BRWD1: variants seen among roughly 807,000 people sequenced by gnomAD.
The protein encoded by BRWD1 is bromodomain and WD repeat-containing protein 1.
Under a neutral mutation model 251.2 loss-of-function variants are expected in BRWD1, and 82 were observed. The observed-to-expected ratio is 0.33, with a 90% CI of 0.27 to 0.39. The LOEUF (loss-of-function observed/expected upper bound fraction) is 0.39, where lower values mean the gene tolerates loss of function less well. BRWD1 is among the 10% of genes least tolerant of loss of function. The pLI is 1.00. For missense variants in BRWD1, 2,233 were observed against 2,711.6 expected, an observed-to-expected ratio of 0.82 and a Z score of 3.92; for synonymous variants, 918 against 902.8, an observed-to-expected ratio of 1.02 and a Z score of -0.30.
chr21:39,304,234 CAA>C (rs554272084), intron 4 of BRWD1, among the ~76,000 whole-genome samples: 10 of 129,780 alleles, frequency 7.7e-5, no homozygotes, highest in African/African-American at 2.3e-4. Context: ...CTTGATTAAT[CAA>C]AAAAAAAAAG....
chr21:39,255,774 C>A lies in BRWD1; in HGVS notation c.2126G>T (p.Arg709Leu). Residue 709 changes from arginine to leucine, a missense_variant, in exon 19 of 41, where the codon CGT becomes CTT. Physicochemically the swap from Arg to Leu is moderately radical, Grantham distance 102. This residue lies in a region of BRWD1 where 35 missense variants were observed against 76.3 expected (regional missense o/e 0.46). Coordinates refer to ENST00000342449, the MANE Select transcript of BRWD1 (RefSeq NM_033656.4). ...ACGAACACCTTCAACTTGTCCACTA[C>A]GACGCAGACCAATATTTGGAGGGGA... is the stretch of plus-strand genomic sequence containing the variant. ...IQSPPNIGLR[R>L]SGQVEGVRQM... The A allele has an allele frequency of 1.9e-6, 3 of 1,614,130 alleles. No homozygotes were observed. The highest frequency in any genetic ancestry group is 4.5e-5 in the East Asian group (2 of 44,880).
At chr21:39,198,690 A>G (rs961514566) in intron 40 of BRWD1, 73 bp downstream of exon 40, 53 of 1,373,442 alleles carry the variant, frequency 3.9e-5, no homozygotes, top group African/African-American at 5.9e-5. Flanking sequence ...TTTCGGGGGG[A>G]AAAAACCAAT....
chr21:39,196,303 TGTC>T lies in BRWD1; in HGVS notation c.6763_6765del (p.Asp2255del). 1 of 1,610,770 alleles carries T rather than the reference TGTC, an allele frequency of 6.2e-7. No individual in the cohort carries two copies. The highest frequency in any genetic ancestry group is 8.5e-7 in the Non-Finnish European group (1 of 1,178,688). On this transcript the variant is annotated inframe_deletion, in exon 41 of 41. Coordinates refer to ENST00000342449, the MANE Select transcript of BRWD1 (RefSeq NM_033656.4). Reference sequence around the variant, plus strand: ...AAATCTAACACATTTTCTAAACTTCTGTCATCATCCCCATCATGGTATCTCACA... The same window carrying T: ...AAATCTAACACATTTTCTAAACTTCTATCATCCCCATCATGGTATCTCACA...
chr21:39,281,915 T>C (rs1260789246), intron 8 of BRWD1, among the ~76,000 whole-genome samples: 1 of 135,190 alleles, frequency 7.4e-6, no homozygotes, highest in Non-Finnish European at 1.7e-5. Flanking sequence ...TACATGTATA[T>C]ATATACGTAT....
intron 16 of BRWD1, 53 bp from the exon 17 acceptor site, chr21:39,264,738 G>T: frequency 1.3e-6 from 2 of 1,500,442 alleles, no homozygotes; most frequent in Non-Finnish European, 1.8e-6. Context: ...CATTTTAAAG[G>T]AAACAAATAT....
intron 15 of BRWD1, among the ~76,000 whole-genome samples, chr21:39,268,233 G>A (rs1041311465): frequency 6.6e-6 from 1 of 152,044 alleles, no homozygotes; most frequent in African/African-American, 2.4e-5. Flanking sequence ...GAAGTCAGGA[G>A]TTCAAGACCA....
downstream of BRWD1, chr21:39,185,148 G>A (rs1371017701): frequency 6.6e-6 from 1 of 151,700 alleles, no homozygotes; most frequent in Non-Finnish European, 1.5e-5. Flanking sequence ...TTTTTAAAAA[G>A]GCAAATATGT....
Position 39,306,721 on chromosome 21 carries a change from T to C in BRWD1, c.198+6120A>G, listed in dbSNP as rs376532966. Reference sequence around the variant, plus strand: ...GAACAGACTTAAAAGTTATTTATACTGAAATCAGAATTTGGTTTATTAGAA... The same window carrying C: ...GAACAGACTTAAAAGTTATTTATACCGAAATCAGAATTTGGTTTATTAGAA... On this transcript the variant is annotated intron_variant, in intron 4 of 40. Transcript: ENST00000342449. 2.0e-5 allele frequency among the ~76,000 whole-genome samples: 3 copies of C among 152,360 alleles called. No individual in the cohort carries two copies. The East Asian group carries it at 5.8e-4, about 29-fold the overall frequency.
In BRWD1 at chr21:39,312,946, GGGGGGGC is replaced by G. The variant is rs753029578; in HGVS notation, c.139-53_139-47del. ...CACGAGTGACCACCCCTCCGGCGCG[GGGGGGGC>G]GGGGGGCGGGGGGCCGGGGGCGGGC... On this transcript the variant is annotated intron_variant, in intron 3 of 40. Coordinates refer to ENST00000342449, the MANE Select transcript of BRWD1 (RefSeq NM_033656.4). 3,354 of 736,676 alleles carry G rather than the reference GGGGGGGC, an allele frequency of 4.6e-3. 242 individuals carry two copies. The African/African-American group carries it at 0.052, about 11-fold the overall frequency. The allele number at this position is 736,676 out of a possible 1,614,324, so 45.6% of individuals were successfully genotyped here.
chr21:39,264,853 C>A lies in BRWD1; in HGVS notation c.1659+38G>T, dbSNP rs746338147. The A allele has an allele frequency of 2.1e-5, 34 of 1,601,756 alleles. No individual in the cohort carries two copies. In the South Asian group the frequency reaches 3.8e-4, roughly 18 times the overall value. ...CTTATTTCCAAAACACAGCTGATAA[C>A]TATTACTTGCATGCTACAACAAAGT... On this transcript the variant is annotated intron_variant, in intron 16 of 40. Transcript: ENST00000342449.
upstream of BRWD1, among the ~76,000 whole-genome samples, chr21:39,317,891 A>T (rs943104714): frequency 3.3e-5 from 5 of 152,164 alleles, no homozygotes; most frequent in Non-Finnish European, 5.9e-5. Context: ...TCTACAAAAA[A>T]TTAAAAACTT....
chr21:39,307,042 C>T (rs9975562), intron 4 of BRWD1, among the ~76,000 whole-genome samples: 93,403 of 151,980 alleles, frequency 0.61, 28,939 homozygotes, highest in Admixed American at 0.66. Context: ...TTAGTAGAGA[C>T]GGGGTTTCAC....
At chr21:39,244,511 GA>G (rs1428107583) in intron 21 of BRWD1, among the ~76,000 whole-genome samples, 1 of 152,160 alleles carries the variant, frequency 6.6e-6, no homozygotes, top group Non-Finnish European at 1.5e-5. Context: ...AAACCATTTA[GA>G]ATAGTGCCTC....
At chr21:39,207,953 G>A (rs1240210433) in intron 36 of BRWD1, among the ~76,000 whole-genome samples, 1 of 152,138 alleles carries the variant, frequency 6.6e-6, no homozygotes, top group East Asian at 1.9e-4. Flanking sequence ...ATCTAGGACA[G>A]GCAAATTCAG....
In BRWD1 at chr21:39,258,750, A is replaced by G. The variant is rs2034643780; in HGVS notation, c.1886-78T>C. 4 of 965,586 alleles carry G rather than the reference A, an allele frequency of 4.1e-6. No individual in the cohort carries two copies. The Middle Eastern group carries it at 9.4e-4, about 228-fold the overall frequency. The allele number at this position is 965,586 out of a possible 1,614,324, so 59.8% of individuals were successfully genotyped here. A position where few individuals can be genotyped will look rare whatever the true frequency, so the allele number is the denominator to read the frequency against. ...AAATTTCGTTAGGGTACAAATTAAA[A>G]TACATTAACAATGGTCAGAATTTCC... is the stretch of plus-strand genomic sequence containing the variant. On this transcript the variant is annotated intron_variant, in intron 17 of 40. Coordinates refer to ENST00000342449, the MANE Select transcript of BRWD1 (RefSeq NM_033656.4).
chr21:39,223,940 C>T (rs1340963295), intron 29 of BRWD1, among the ~76,000 whole-genome samples: 3 of 152,146 alleles, frequency 2.0e-5, no homozygotes, highest in African/African-American at 7.2e-5. Flanking sequence ...CCTCTGCCTC[C>T]CGGGTTCAAA....
At chr21:39,308,967 A>G (rs2036377842) in intron 4 of BRWD1, among the ~76,000 whole-genome samples, 1 of 152,090 alleles carries the variant, frequency 6.6e-6, no homozygotes, top group African/African-American at 2.4e-5. Flanking sequence ...CAAGGTCAAG[A>G]GATGGAGACC....
chr21:39,253,489 C>T (rs796402828), intron 19 of BRWD1, among the ~76,000 whole-genome samples: 3 of 152,184 alleles, frequency 2.0e-5, no homozygotes, highest in African/African-American at 7.2e-5. Flanking sequence ...CACCTGTTTG[C>T]TTCCCTTGGT....
At chr21:39,185,374 T>C (rs2031174420), downstream of BRWD1, 1 of 151,094 alleles carries the variant, frequency 6.6e-6, no homozygotes, top group Admixed American at 6.6e-5. Context: ...TATAGTTACT[T>C]GTTGAGGACA....
Sources: gnomAD v4.1 joint callset for allele counts (sites outside exome capture counted in the v4.1 genomes callset) on GRCh38, gnomAD v4.1.1 for gene constraint, gnomAD v4.1.1 regional missense constraint, MANE v1.5 for transcripts, NCBI Gene and HGNC (gene_info 2026-07-23, HGNC 2026-07-21) for gene names.